The following BIRC6 variants were observed in gnomAD, a reference collection of about 807,000 sequenced individuals.
BIRC6 encodes baculoviral IAP repeat containing 6, also known as dual E2 ubiquitin-conjugating enzyme/E3 ubiquitin-protein ligase BIRC6.
In BIRC6, 98 loss-of-function variants were observed where a neutral mutation model predicts 503.3. The observed-to-expected ratio is 0.19, with a 90% CI of 0.17 to 0.23. BIRC6 has a LOEUF of 0.23. Among genes scored for constraint, BIRC6 ranks in the 10% least tolerant of loss-of-function variants. The pLI, the probability that BIRC6 is intolerant of heterozygous loss-of-function variation, is 1.00. For missense variants in BIRC6, 5,360 were observed against 5,806.0 expected (o/e 0.92, Z 2.50); for synonymous variants, 2,240 against 2,078.7 (o/e 1.08, Z -2.11).
intron 57 of BIRC6, among the ~76,000 whole-genome samples, chr2:32,521,604 G>T (rs1387940413): frequency 6.6e-6 from 1 of 151,188 alleles, no homozygotes; most frequent in Non-Finnish European, 1.5e-5. Context: ...GAGTAGCTGG[G>T]ATTATAGGCA....
At chr2:32,403,920 G>A (rs2040877523) in intron 8 of BIRC6, among the ~76,000 whole-genome samples, 1 of 141,696 alleles carries the variant, frequency 7.1e-6, no homozygotes, top group Non-Finnish European at 1.5e-5. Context: ...TTTTTAAAAT[G>A]TGTGTGTGTT....
chr2:32,360,458 C>T (rs1013954898), intron 1 of BIRC6, among the ~76,000 whole-genome samples: 8 of 152,168 alleles, frequency 5.3e-5, no homozygotes, highest in East Asian at 1.9e-4. Context: ...CTCTGAGCTG[C>T]GTGATCTGGC....
intron 10 of BIRC6, 24 bp downstream of exon 10, chr2:32,416,187 AAT>A: frequency 6.5e-7 from 1 of 1,535,408 alleles, no homozygotes; most frequent in Non-Finnish European, 8.8e-7. Context: ...TTATGCTATA[AAT>A]CTTATAAAAT....
At chr2:32,398,582 A>G (rs1028563179) in intron 6 of BIRC6, among the ~76,000 whole-genome samples, 3 of 152,108 alleles carry the variant, frequency 2.0e-5, no homozygotes, top group Non-Finnish European at 2.9e-5. Flanking sequence ...TGTATTTTCT[A>G]TATGTACATT....
At chr2:32,610,549 A>G (rs1349120852) in intron 72 of BIRC6, among the ~76,000 whole-genome samples, 4 of 152,186 alleles carry the variant, frequency 2.6e-5, no homozygotes, top group African/African-American at 9.6e-5. Context: ...ATACTTATCT[A>G]GGTGTTCTTT....
chr2:32,363,729 C>T (rs2034461815), intron 1 of BIRC6, among the ~76,000 whole-genome samples: 1 of 152,136 alleles, frequency 6.6e-6, no homozygotes, highest in African/African-American at 2.4e-5. Context: ...GCTTCCTCAT[C>T]TGTAAATTAA....
intron 70 of BIRC6, among the ~76,000 whole-genome samples, chr2:32,601,241 A>G (rs1202159302): frequency 6.6e-6 from 1 of 152,220 alleles, no homozygotes; most frequent in Non-Finnish European, 1.5e-5. Context: ...TCTTGCTTTC[A>G]CAGAGCATTG....
intron 5 of BIRC6, among the ~76,000 whole-genome samples, chr2:32,393,491 T>C (rs1435342698): frequency 6.6e-6 from 1 of 152,196 alleles, no homozygotes; most frequent in Non-Finnish European, 1.5e-5. Context: ...TCAGTTTAAA[T>C]AAAGCATGGT....
chr2:32,482,403 C>T (rs749351696), intron 38 of BIRC6, 26 bp from the exon 39 acceptor site: 1 of 1,592,560 alleles, frequency 6.3e-7, no homozygotes. Flanking sequence ...AAAAATAAAC[C>T]ACAGTTTTTT....
chr2:32,519,013 T>C, intron 57 of BIRC6, 67 bp downstream of exon 57: 1 of 1,445,498 alleles, frequency 6.9e-7, no homozygotes. Context: ...GTTTATTGTT[T>C]TTATAACTTT....
In BIRC6 at chr2:32,453,788, A is replaced by T. The variant is rs377052006; in HGVS notation, c.4619-20A>T. 1.2e-6 allele frequency: 2 copies of T among 1,609,172 alleles called. No individual in the cohort carries two copies. Among genetic ancestry groups the T allele is most frequent in the Admixed American group, 3.4e-5 (2 of 58,870 alleles). ...TAAAAATTATCTTCACGTGTTATAAAACTTGTCTTTTGCCATTAGGAAATG... is the reference window on the plus strand; with the variant it reads ...TAAAAATTATCTTCACGTGTTATAATACTTGTCTTTTGCCATTAGGAAATG... On this transcript the variant is annotated intron_variant, in intron 22 of 73. Coordinates refer to ENST00000421745, the MANE Select transcript of BIRC6 (RefSeq NM_016252.4).
intron 1 of BIRC6, among the ~76,000 whole-genome samples, chr2:32,372,284 A>T (rs1032172722): frequency 1.3e-5 from 2 of 152,122 alleles, no homozygotes; most frequent in African/African-American, 2.4e-5. Context: ...CTGTGGTATC[A>T]CTTTGTAGTC....
chr2:32,451,640 A>G (rs552833913), intron 22 of BIRC6, among the ~76,000 whole-genome samples: 6 of 152,336 alleles, frequency 3.9e-5, no homozygotes, highest in Admixed American at 1.3e-4. Flanking sequence ...CCAAAGTACC[A>G]TGCTTGTTTC....
chr2:32,527,870 A>C (rs2056405659), intron 59 of BIRC6: 1 of 152,230 alleles, frequency 6.6e-6, no homozygotes, highest in Non-Finnish European at 1.5e-5. Flanking sequence ...GGTCAAGATA[A>C]CACCACAGAA....
At position 32,602,907 on chromosome 2, in the gene BIRC6, T is replaced by C. The variant is rs2062162486; in HGVS notation, c.13993-99T>C. ...ATCTAGGGGACATATAAAACTGAGA[T>C]ATTTTGACAGGATAGCATTTTGTTT... On this transcript the variant is annotated intron_variant, in intron 70 of 73. Coordinates refer to ENST00000421745, the MANE Select transcript of BIRC6 (RefSeq NM_016252.4). 5 of 944,648 alleles carry C rather than the reference T, an allele frequency of 5.3e-6. No homozygotes were observed. The East Asian group carries it at 1.3e-4, about 25-fold the overall frequency. 58.5% of individuals were successfully genotyped at this position (944,648 alleles called of 1,614,324 possible).
chr2:32,524,835 C>T, intron 57 of BIRC6, 53 bp from the exon 58 acceptor site: 2 of 1,154,782 alleles, frequency 1.7e-6, no homozygotes, highest in Non-Finnish European at 2.3e-6. Context: ...TATATTACTT[C>T]TCTTCTTAAT....
intron 66 of BIRC6, among the ~76,000 whole-genome samples, chr2:32,591,499 T>C (rs2061379600): frequency 6.6e-6 from 1 of 151,574 alleles, no homozygotes; most frequent in Non-Finnish European, 1.5e-5. Flanking sequence ...GTTCCAAGGG[T>C]AATCTACACA....
At chr2:32,512,876 A>T in intron 53 of BIRC6, 57 bp from the exon 54 acceptor site, 7 of 1,351,420 alleles carry the variant, frequency 5.2e-6, no homozygotes, top group Non-Finnish European at 7.4e-6. Context: ...ATTTATCTAT[A>T]TGAAATGCCA....
chr2:32,478,839 A>G (rs1294573012), intron 36 of BIRC6, 21 bp downstream of exon 36: 1 of 1,607,362 alleles, frequency 6.2e-7, no homozygotes, highest in African/African-American at 1.3e-5. Flanking sequence ...ATTTTTCTTC[A>G]TAGAGTATGT....
Sources: gnomAD v4.1 joint callset for allele counts (sites outside exome capture counted in the v4.1 genomes callset) on GRCh38, gnomAD v4.1.1 for gene constraint, MANE v1.5 for transcripts, NCBI Gene and HGNC (gene_info 2026-07-23, HGNC 2026-07-21) for gene names.